The following SCN7A variants were observed in gnomAD, a reference collection of about 807,000 sequenced individuals.
The protein encoded by SCN7A is sodium channel protein type 7 subunit alpha.
A neutral mutation model predicts 155.2 loss-of-function variants in SCN7A; 138 were observed. That is an observed-to-expected ratio of 0.89 (90% CI 0.77 to 1.02). The LOEUF (loss-of-function observed/expected upper bound fraction) is 1.02. Among genes scored for constraint, SCN7A ranks in the 50% least tolerant of loss-of-function variants. The probability of loss-of-function intolerance (pLI) is 0.00; values close to 1 mark genes in which losing one functional copy is unlikely to be tolerated. For missense variants in SCN7A, 2,058 were observed against 1,986.6 expected (o/e 1.04, Z -0.68); for synonymous variants, 693 against 649.0 (o/e 1.07, Z -1.03).
chr2:166,472,800 C>T (rs1031582304), intron 5 of SCN7A, among the ~76,000 whole-genome samples: 5 of 151,882 alleles, frequency 3.3e-5, no homozygotes, highest in African/African-American at 7.2e-5. Flanking sequence ...ATGCCTCCAG[C>T]TTTGTTTTTT....
In SCN7A at chr2:166,423,270, C is replaced by T. The variant is rs201970179; in HGVS notation, c.3016G>A (p.Val1006Met). ...TTTAAAATACGTACAATAACAACCA[C>T]GAAGTCCAGCCTGTACCAGCCATTA... ...FSNGWYRLDF[V>M]VVIVFCLSLI... The change falls in exon 19 of 26, where the codon GTG becomes ATG. Residue 1006 changes from valine (V) to methionine (M), a missense_variant. Physicochemically the swap from Val to Met is conservative, Grantham distance 21. Coordinates refer to ENST00000643258, the MANE Select transcript of SCN7A (RefSeq NM_002976.4). 320 of 1,600,906 alleles carry T rather than the reference C, an allele frequency of 2.0e-4. No homozygotes were observed. The highest frequency in any genetic ancestry group is 6.0e-4 in the East Asian group (27 of 44,696).
rs774681511 is a variant in SCN7A, at chr2:166,460,467, G to A, written c.1083+1922C>T. ...CAGATAGATAAAAAATTAGCAGGTA[G>A]TTTCTCAGGTAGTTCATCTCTAAGT... On this transcript the variant is annotated intron_variant, in intron 10 of 25. Coordinates refer to ENST00000643258, the MANE Select transcript of SCN7A (RefSeq NM_002976.4). Among the ~76,000 whole-genome samples, 32 of 152,106 alleles carry A rather than the reference G, an allele frequency of 2.1e-4. No individual in the cohort carries two copies. The South Asian group carries it at 3.1e-3, about 15-fold the overall frequency.
intron 10 of SCN7A, chr2:166,462,109 A>AAAAAAAAATTCT: frequency 5.2e-6 from 1 of 192,848 alleles, no homozygotes; most frequent in Non-Finnish European, 1.0e-5. Context: ...AAAAAAAAAA[A>AAAAAAAAATTCT]GCACACATAC....
chr2:166,416,711 T>C lies in SCN7A; in HGVS notation c.3410A>G (p.Gln1137Arg). Residue 1137 changes from glutamine to arginine, a missense_variant, in exon 21 of 26, where the codon CAA becomes CGA. Gln to Arg is a conservative substitution (Grantham distance 43). Transcript: ENST00000643258. ...NVGNGFLSLL[Q>R]VATFNGWITI... Reference sequence around the variant, plus strand: ...AAAAGTCAAAAGTGTACTTACTACTTGAAGCAGAGAAAGGAAACCATTTCC... The same window carrying C: ...AAAAGTCAAAAGTGTACTTACTACTCGAAGCAGAGAAAGGAAACCATTTCC... 1.2e-6 allele frequency: 2 copies of C among 1,602,668 alleles called. No homozygotes were observed. The highest frequency in any genetic ancestry group is 1.1e-5 in the South Asian group (1 of 89,286).
chr2:166,470,250 T>C (rs1256330458), intron 7 of SCN7A, among the ~76,000 whole-genome samples: 1 of 151,822 alleles, frequency 6.6e-6, no homozygotes, highest in Non-Finnish European at 1.5e-5. Context: ...AACTGGTTTC[T>C]TGATAAAATG....
chr2:166,459,006 A>G (rs1202524494), intron 10 of SCN7A, among the ~76,000 whole-genome samples: 1 of 152,212 alleles, frequency 6.6e-6, no homozygotes, highest in Non-Finnish European at 1.5e-5. Flanking sequence ...TGCAAATTCA[A>G]TGCCATTTTA....
intron 8 of SCN7A, 25 bp from the exon 9 acceptor site, chr2:166,465,556 T>G (rs1276062169): frequency 6.5e-7 from 1 of 1,527,108 alleles, no homozygotes; most frequent in African/African-American, 1.4e-5. Context: ...AGAAATGATA[T>G]TCTATATGTA....
rs780783360 is a variant in SCN7A at position 166,447,625 on chromosome 2, G to A, written c.1374C>T (p.Leu458=). Reference sequence around the variant, plus strand: ...TTAGTACTTTACCTTCCTTATGTCTGAGAGTAGCATCTTCCAACACATCCA... The same window carrying A: ...TTAGTACTTTACCTTCCTTATGTCTAAGAGTAGCATCTTCCAACACATCCA... ...TSLDVLEDAT[L]RHKEELEKSK... The change falls in exon 12 of 26, where the codon CTC becomes CTT. Residue 458 remains leucine, a synonymous_variant. Coordinates refer to ENST00000643258, the MANE Select transcript of SCN7A (RefSeq NM_002976.4). 17 of 1,608,442 alleles carry A rather than the reference G, an allele frequency of 1.1e-5. No individual in the cohort carries two copies. The highest frequency in any genetic ancestry group is 1.4e-5 in the Non-Finnish European group (17 of 1,175,400).
At position 166,471,521 on chromosome 2, in the gene SCN7A, A is replaced by G. The variant is rs557616463; in HGVS notation, c.572+796T>C. On this transcript the variant is annotated intron_variant, in intron 6 of 25. Coordinates refer to ENST00000643258, the MANE Select transcript of SCN7A (RefSeq NM_002976.4). ...GACACTATGTTAGATTGCTTACAACATAGCAGACATCTTTATGCTGTTTAT... is the reference window on the plus strand; with the variant it reads ...GACACTATGTTAGATTGCTTACAACGTAGCAGACATCTTTATGCTGTTTAT... 5.3e-5 allele frequency among the ~76,000 whole-genome samples: 8 copies of G among 152,036 alleles called. 1 individual carries two copies. The highest frequency in any genetic ancestry group is 1.9e-4 in the African/African-American group (8 of 41,540).
chr2:166,419,001 ATT>A (rs1251786057), intron 20 of SCN7A, among the ~76,000 whole-genome samples: 2 of 152,134 alleles, frequency 1.3e-5, no homozygotes, highest in Non-Finnish European at 2.9e-5. Context: ...GTCCACAGCC[ATT>A]GTTTCATTGC....
At chr2:166,412,470 T>C in intron 23 of SCN7A, 60 bp downstream of exon 23, 5 of 1,312,482 alleles carry the variant, frequency 3.8e-6, no homozygotes, top group South Asian at 2.2e-5. Flanking sequence ...GGCATTTATA[T>C]ATTTATGTGT....
intron 18 of SCN7A, among the ~76,000 whole-genome samples, chr2:166,426,077 G>A (rs536810709): frequency 3.6e-4 from 54 of 152,088 alleles, no homozygotes; most frequent in Non-Finnish European, 6.5e-4. Flanking sequence ...GCTTTAGAGA[G>A]ACATATGTGC....
At chr2:166,423,220 G>C (rs1701547900) in intron 19 of SCN7A, 39 bp downstream of exon 19, 1 of 1,577,546 alleles carries the variant, frequency 6.3e-7, no homozygotes, top group East Asian at 2.3e-5. Context: ...GGAAGAAAAA[G>C]TAAATCAAAT....
At chr2:166,451,440 T>A (rs1702175325) in intron 11 of SCN7A, among the ~76,000 whole-genome samples, 1 of 152,208 alleles carries the variant, frequency 6.6e-6, no homozygotes, top group South Asian at 2.1e-4. Flanking sequence ...GGCATATGCC[T>A]GAACTTTTGA....
intron 6 of SCN7A, among the ~76,000 whole-genome samples, 186 bp downstream of exon 6, chr2:166,472,131 T>C (rs948176814): frequency 2.6e-5 from 4 of 151,466 alleles, no homozygotes; most frequent in African/African-American, 9.7e-5. Context: ...CTCCTTTCAT[T>C]CTTATTGCAT....
chr2:166,424,177 A>T (rs1191704292), intron 18 of SCN7A, among the ~76,000 whole-genome samples: 1 of 152,158 alleles, frequency 6.6e-6, no homozygotes, highest in Non-Finnish European at 1.5e-5. Flanking sequence ...AATAGATTTT[A>T]TGACTTTTAA....
intron 3 of SCN7A, among the ~76,000 whole-genome samples, chr2:166,475,790 T>G (rs1386518040): frequency 6.6e-6 from 1 of 151,982 alleles, no homozygotes; most frequent in Non-Finnish European, 1.5e-5. Flanking sequence ...TTTAACAGAA[T>G]AAACCAAATA....
Position 166,405,247 on chromosome 2 carries a change from A to G in SCN7A, c.*333T>C. On this transcript the variant is annotated 3_prime_UTR_variant, in exon 26 of 26. Transcript: ENST00000643258. The stretch of plus-strand genomic sequence containing the variant: ...CCATTAAATTATACATAAAATATAA[A>G]AGAAAGCCCCTGCTGCTGCTGATCT... 4.7e-6 allele frequency: 1 copy of G among 213,256 alleles called. No homozygotes were observed. The highest frequency in any genetic ancestry group is 9.1e-6 in the Non-Finnish European group (1 of 109,930). The allele number at this position is 213,256 out of a possible 1,614,324, so 13.2% of individuals were successfully genotyped here.
At chr2:166,415,294 G>A (rs1401235628) in intron 21 of SCN7A, among the ~76,000 whole-genome samples, 4 of 149,082 alleles carry the variant, frequency 2.7e-5, no homozygotes, top group Admixed American at 6.8e-5. Context: ...GAATGATCTC[G>A]GCTCACTGCA....
Sources: gnomAD v4.1 joint callset for allele counts (sites outside exome capture counted in the v4.1 genomes callset) on GRCh38, gnomAD v4.1.1 for gene constraint, MANE v1.5 for transcripts, NCBI Gene and HGNC (gene_info 2026-07-23, HGNC 2026-07-21) for gene names.